BMAL2: variants seen among roughly 807,000 people sequenced by gnomAD.
BMAL2 encodes basic helix-loop-helix ARNT like 2.
At chr12:27,362,570 C>A in the BMAL2 span, among the ~76,000 whole-genome samples, 317 of 152,146 alleles carry the variant, frequency 2.1e-3, no homozygotes, top group African/African-American at 7.0e-3. Context: ...GTCACACCCC[C>A]CTTTCTTTTC....
the BMAL2 span, chr12:27,420,506 T>A: frequency 6.2e-7 from 1 of 1,605,942 alleles, no homozygotes; most frequent in Non-Finnish European, 8.5e-7. Context: ...CCCTGGGGAC[T>A]TCAGTGACAT....
chr12:27,408,932 C>G, the BMAL2 span, among the ~76,000 whole-genome samples: 1 of 152,194 alleles, frequency 6.6e-6, no homozygotes. Flanking sequence ...AAATCACAAG[C>G]ATTCTTATAC....
At chr12:27,409,115 A>T in the BMAL2 span, among the ~76,000 whole-genome samples, 1 of 152,220 alleles carries the variant, frequency 6.6e-6, no homozygotes, top group Non-Finnish European at 1.5e-5. Context: ...AAATGGAAGA[A>T]CATTCCATGC....
the BMAL2 span, among the ~76,000 whole-genome samples, chr12:27,359,823 C>T: frequency 6.6e-6 from 1 of 152,062 alleles, no homozygotes; most frequent in Non-Finnish European, 1.5e-5. Flanking sequence ...CTTTCCTCTG[C>T]CACTTCTGTT....
At chr12:27,422,629 G>A in the BMAL2 span, 1 of 152,278 alleles carries the variant, frequency 6.6e-6, no homozygotes, top group Non-Finnish European at 1.5e-5. Context: ...ATGAGCCAAA[G>A]AAATCCTACA....
chr12:27,333,121 G>A, the BMAL2 span: 2 of 1,204,902 alleles, frequency 1.7e-6, no homozygotes, highest in East Asian at 3.4e-5. Context: ...TGCCGGTGGC[G>A]AGGCGACGGC....
At chr12:27,390,129 G>T in the BMAL2 span, 54 of 1,613,822 alleles carry the variant, frequency 3.3e-5, no homozygotes, top group Non-Finnish European at 4.4e-5. Flanking sequence ...CTCCACGCTG[G>T]AAGGACACGT....
chr12:27,342,635 C>T, the BMAL2 span, among the ~76,000 whole-genome samples: 1 of 152,240 alleles, frequency 6.6e-6, no homozygotes, highest in Non-Finnish European at 1.5e-5. Context: ...TATCTTCTTT[C>T]CTTGAACACG....
the BMAL2 span, among the ~76,000 whole-genome samples, chr12:27,388,104 C>T: frequency 7.3e-6 from 1 of 137,894 alleles, no homozygotes; most frequent in South Asian, 2.2e-4. Context: ...CACATGCACG[C>T]ACACACACAC....
At chr12:27,334,616 G>A in the BMAL2 span, among the ~76,000 whole-genome samples, 2 of 152,148 alleles carry the variant, frequency 1.3e-5, no homozygotes, top group East Asian at 1.9e-4. Context: ...TAATTCCCCA[G>A]ATAAGTCTTA....
chr12:27,406,061 C>G, the BMAL2 span, among the ~76,000 whole-genome samples: 1 of 152,066 alleles, frequency 6.6e-6, no homozygotes, highest in Non-Finnish European at 1.5e-5. Context: ...TAAAAAGAAA[C>G]AAACAAAGCC....
the BMAL2 span, among the ~76,000 whole-genome samples, chr12:27,413,061 A>G: frequency 6.6e-6 from 1 of 152,140 alleles, no homozygotes; most frequent in African/African-American, 2.4e-5. Context: ...CAGAAATGTA[A>G]GGTAGATAAG....
the BMAL2 span, among the ~76,000 whole-genome samples, chr12:27,366,752 C>G: frequency 6.6e-6 from 1 of 152,026 alleles, no homozygotes; most frequent in African/African-American, 2.4e-5. Flanking sequence ...CTTTATGTAC[C>G]AAAGTATGTA....
At chr12:27,397,074 G>C in the BMAL2 span, among the ~76,000 whole-genome samples, 1 of 146,076 alleles carries the variant, frequency 6.8e-6, no homozygotes, top group Non-Finnish European at 1.5e-5. Context: ...TTGTTTGTTT[G>C]TTTATTTATT....
the BMAL2 span, chr12:27,389,980 TA>T: frequency 7.6e-7 from 1 of 1,311,004 alleles, no homozygotes; most frequent in Non-Finnish European, 1.1e-6. Context: ...GCCATTGCTT[TA>T]AAAAACTGTT....
chr12:27,389,843 C>A, the BMAL2 span: 1 of 321,144 alleles, frequency 3.1e-6, no homozygotes, highest in Non-Finnish European at 5.6e-6. Context: ...CTTAAATTAA[C>A]TTTGTTCTTC....
chr12:27,368,446 C>G, the BMAL2 span: 1 of 1,603,560 alleles, frequency 6.2e-7, no homozygotes, highest in Non-Finnish European at 8.5e-7. Context: ...CCAGTGAGAT[C>G]TTTGACTTTA....
At chr12:27,355,340 G>A in the BMAL2 span, among the ~76,000 whole-genome samples, 1 of 152,082 alleles carries the variant, frequency 6.6e-6, no homozygotes, top group Non-Finnish European at 1.5e-5. Context: ...CCCTTAATCA[G>A]CTGGAAATTC....
At chr12:27,413,592 T>C in the BMAL2 span, among the ~76,000 whole-genome samples, 5 of 152,038 alleles carry the variant, frequency 3.3e-5, no homozygotes, top group Admixed American at 3.3e-4. Context: ...AAAGGAAGAA[T>C]GGAACAAAGG....
Sources: allele counts gnomAD v4.1 joint callset (sites outside exome capture counted in the v4.1 genomes callset), GRCh38; gene constraint gnomAD v4.1.1; transcripts MANE v1.5; gene names NCBI Gene and HGNC (gene_info 2026-07-23, HGNC 2026-07-21).